TMTC2: variants seen among roughly 807,000 people sequenced by gnomAD.
TMTC2 encodes protein O-mannosyl-transferase TMTC2.
TMTC2 carries 43 observed loss-of-function variants against 82.4 expected under a neutral mutation model. The observed-to-expected ratio is 0.52, with a 90% CI of 0.41 to 0.67. TMTC2 has a LOEUF of 0.67. Ranked by LOEUF, TMTC2 falls within the 30% of genes least tolerant of loss-of-function variation. The probability of loss-of-function intolerance (pLI) is 0.00; values close to 1 mark genes in which losing one functional copy is unlikely to be tolerated. For missense variants in TMTC2, 919 were observed against 1,012.4 expected, an observed-to-expected ratio of 0.91 and a Z score of 1.25; for synonymous variants, 408 against 381.9, an observed-to-expected ratio of 1.07 and a Z score of -0.80.
chr12:82,942,087 A>T (rs963450921), intron 4 of TMTC2, among the ~76,000 whole-genome samples: 1 of 152,194 alleles, frequency 6.6e-6, no homozygotes, highest in Admixed American at 6.5e-5. Context: ...ATTGTAAAGG[A>T]TTAAGTTCTC....
At chr12:83,104,314 G>A (rs1275517249) in intron 11 of TMTC2, among the ~76,000 whole-genome samples, 5 of 152,166 alleles carry the variant, frequency 3.3e-5, no homozygotes, top group African/African-American at 7.2e-5. Context: ...TCTATGTGGC[G>A]GCTCCAACCC....
At chr12:82,818,126 A>G (rs1287511650) in intron 1 of TMTC2, among the ~76,000 whole-genome samples, 2 of 152,086 alleles carry the variant, frequency 1.3e-5, no homozygotes, top group African/African-American at 4.8e-5. Context: ...ATTTTTGGAC[A>G]TGGAGCCATA....
At chr12:83,063,698 A>G (rs1882820079) in intron 11 of TMTC2, among the ~76,000 whole-genome samples, 1 of 151,926 alleles carries the variant, frequency 6.6e-6, no homozygotes, top group African/African-American at 2.4e-5. Flanking sequence ...GGAAAACCTA[A>G]ATAATGATAG....
intron 1 of TMTC2, among the ~76,000 whole-genome samples, chr12:82,807,146 T>G (rs1443492385): frequency 6.6e-6 from 1 of 152,174 alleles, no homozygotes; most frequent in East Asian, 1.9e-4. Context: ...ATATGACTTT[T>G]AAACCTATGA....
intron 1 of TMTC2, among the ~76,000 whole-genome samples, chr12:82,816,666 A>C (rs1868752252): frequency 6.6e-6 from 1 of 152,164 alleles, no homozygotes; most frequent in Non-Finnish European, 1.5e-5. Context: ...ACATCAAATA[A>C]TATTAGGCAA....
intron 3 of TMTC2, among the ~76,000 whole-genome samples, chr12:82,927,291 G>A (rs1029268608): frequency 6.6e-6 from 1 of 152,196 alleles, no homozygotes; most frequent in African/African-American, 2.4e-5. Flanking sequence ...GCTCAAGACT[G>A]CAGTGGAGGA....
At chr12:82,780,251 C>T (rs1034214085) in intron 1 of TMTC2, among the ~76,000 whole-genome samples, 3 of 152,116 alleles carry the variant, frequency 2.0e-5, no homozygotes, top group Non-Finnish European at 4.4e-5. Context: ...ATACCTGGCT[C>T]ATTTTCCTTA....
intron 1 of TMTC2, among the ~76,000 whole-genome samples, chr12:82,730,056 A>G (rs1180700022): frequency 6.6e-6 from 1 of 152,052 alleles, no homozygotes; most frequent in Non-Finnish European, 1.5e-5. Flanking sequence ...AGAAGGAACA[A>G]ACTCCGGACA....
At chr12:82,921,767 G>A (rs1229745877) in intron 3 of TMTC2, among the ~76,000 whole-genome samples, 2 of 152,094 alleles carry the variant, frequency 1.3e-5, no homozygotes, top group Non-Finnish European at 2.9e-5. Flanking sequence ...GGTTGAAAGT[G>A]TGATTTGCAT....
rs114193225 is a variant in TMTC2 at position 83,046,556 on chromosome 12, G to A, written c.2153-4348G>A. Among the ~76,000 whole-genome samples, 87 of 152,246 alleles carry A rather than the reference G, an allele frequency of 5.7e-4. 1 individual carries two copies. Among genetic ancestry groups the A allele is most frequent in the African/African-American group, 2.1e-3 (86 of 41,546 alleles). ...AGACAGACTCTCCAAAGTGCCTGCC[G>A]TAATCGAGTTTCTCTTTCCTTTAGT... is the stretch of plus-strand genomic sequence containing the variant. On this transcript the variant is annotated intron_variant, in intron 9 of 11. Transcript: ENST00000321196.
chr12:82,730,432 C>G (rs143935424), intron 1 of TMTC2, among the ~76,000 whole-genome samples: 1 of 151,286 alleles, frequency 6.6e-6, no homozygotes, highest in African/African-American at 2.4e-5. Context: ...GTCACTCAGA[C>G]TTGAGTTCAA....
intron 11 of TMTC2, among the ~76,000 whole-genome samples, chr12:83,116,867 T>C (rs1592503888): frequency 6.6e-6 from 1 of 152,154 alleles, no homozygotes; most frequent in Non-Finnish European, 1.5e-5. Context: ...AAGATTTTCT[T>C]CCACTCTGTG....
chr12:82,810,273 T>C (rs1879432625), intron 1 of TMTC2, among the ~76,000 whole-genome samples: 1 of 151,766 alleles, frequency 6.6e-6, no homozygotes, highest in African/African-American at 2.4e-5. Flanking sequence ...GTTAGATTTT[T>C]ATTTTCTTTA....
chr12:82,869,156 A>G (rs1872036250), intron 2 of TMTC2, among the ~76,000 whole-genome samples: 2 of 152,164 alleles, frequency 1.3e-5, no homozygotes. Flanking sequence ...ATTTACTTTA[A>G]GAAAACTTGA....
Position 82,727,718 on chromosome 12 carries a change from C to CA in TMTC2, c.83+40063dup, listed in dbSNP as rs770172730. 2.8e-3 allele frequency among the ~76,000 whole-genome samples: 377 copies of CA among 136,158 alleles called. 1 individual carries two copies. The highest frequency in any genetic ancestry group is 7.2e-3 in the African/African-American group (262 of 36,588). The allele number at this position is 136,158 out of a possible 152,430, so 89.3% of individuals were successfully genotyped here. ...CGTGGGCAACAGAGTGAGAGTGTCT[C>CA]AAAAAAAAAAAAAATTCTTTTGAAA... On this transcript the variant is annotated intron_variant, in intron 1 of 11. Coordinates refer to ENST00000321196, the MANE Select transcript of TMTC2 (RefSeq NM_152588.3).
At chr12:83,032,350 T>C (rs1423702527) in intron 9 of TMTC2, among the ~76,000 whole-genome samples, 1 of 149,532 alleles carries the variant, frequency 6.7e-6, no homozygotes, top group Non-Finnish European at 1.5e-5. Flanking sequence ...TGAACTGCAA[T>C]TTCACTATTT....
chr12:82,762,815 T>C (rs1304650462), intron 1 of TMTC2, among the ~76,000 whole-genome samples: 3 of 151,780 alleles, frequency 2.0e-5, no homozygotes, highest in Non-Finnish European at 4.4e-5. Context: ...GGAAAATACA[T>C]GTTTATGTTT....
At chr12:82,702,951 G>T (rs1873152800) in intron 1 of TMTC2, among the ~76,000 whole-genome samples, 1 of 152,140 alleles carries the variant, frequency 6.6e-6, no homozygotes, top group South Asian at 2.1e-4. Flanking sequence ...GATCGAGGCT[G>T]CAGTGAGCTG....
At chr12:83,032,411 T>C (rs1881477416) in intron 9 of TMTC2, among the ~76,000 whole-genome samples, 1 of 151,402 alleles carries the variant, frequency 6.6e-6, no homozygotes, top group African/African-American at 2.4e-5. Context: ...ATCCATCTTC[T>C]ACTTATAAAA....
Sources: gnomAD v4.1 joint callset for allele counts (sites outside exome capture counted in the v4.1 genomes callset) on GRCh38, gnomAD v4.1.1 for gene constraint, MANE v1.5 for transcripts, NCBI Gene and HGNC (gene_info 2026-07-23, HGNC 2026-07-21) for gene names.